RALY: variants seen among roughly 807,000 people sequenced by gnomAD.
The protein encoded by RALY is RALY heterogeneous nuclear ribonucleoprotein.
Under a neutral mutation model 30.7 loss-of-function variants are expected in RALY, and 15 were observed. The ratio of observed to expected loss-of-function variants is 0.49; its 90% CI spans 0.33 to 0.75. RALY has a LOEUF of 0.75. RALY is among the 30% of genes least tolerant of loss of function. RALY has a pLI of 0.02. For missense variants in RALY, 339 were observed against 414.3 expected (o/e 0.82, Z 1.58); for synonymous variants, 177 against 170.8 (o/e 1.04, Z -0.28).
rs538515432 is a variant in RALY at position 34,073,466 on chromosome 20, G to A, written c.257-97G>A. 2.7e-5 allele frequency: 30 copies of A among 1,129,796 alleles called. 2 individuals are homozygous for A. The Middle Eastern group carries it at 1.0e-3, about 40-fold the overall frequency. The allele number at this position is 1,129,796 out of a possible 1,614,324, so 70.0% of individuals were successfully genotyped here. On this transcript the variant is annotated intron_variant, in intron 3 of 9. Coordinates refer to ENST00000246194, the MANE Select transcript of RALY (RefSeq NM_016732.3). Reference sequence around the variant, plus strand: ...AGTGAGCAGAATCCATGTGTATACCGTGTAAGCACATGAATTGCTGTGCGT... The same window carrying A: ...AGTGAGCAGAATCCATGTGTATACCATGTAAGCACATGAATTGCTGTGCGT...
At chr20:34,005,056 C>T (rs2031096510) in intron 1 of RALY, among the ~76,000 whole-genome samples, 1 of 152,176 alleles carries the variant, frequency 6.6e-6, no homozygotes, top group Non-Finnish European at 1.5e-5. Context: ...TGCCTCCTTC[C>T]AGAGAGCAGC....
chr20:33,996,621 TA>T (rs11480409), intron 1 of RALY, among the ~76,000 whole-genome samples: 16 of 150,296 alleles, frequency 1.1e-4, no homozygotes, highest in Admixed American at 7.3e-4. Context: ...ATGCTTTTTT[TA>T]AAAAAAAAAT....
At chr20:34,052,328 C>T (rs974968981) in intron 2 of RALY, among the ~76,000 whole-genome samples, 4 of 152,040 alleles carry the variant, frequency 2.6e-5, no homozygotes, top group African/African-American at 4.8e-5. Context: ...CCTGGTTTTC[C>T]GTGGAAGATT....
chr20:34,072,104 A>C lies in RALY; in HGVS notation c.30A>C (p.Val10=). The change falls in exon 3 of 10, where the codon GTA becomes GTC. Residue 10 remains valine (V), a synonymous_variant. Transcript: ENST00000246194. The part of the protein sequence containing the change: MSLKLQASN[V]TNKNDPKSIN... ...CCTTGAAGCTTCAGGCAAGCAATGT[A>C]ACCAACAAGAATGACCCCAAGTCCA... is the stretch of plus-strand genomic sequence containing the variant. 1 of 1,614,210 alleles carries C rather than the reference A, an allele frequency of 6.2e-7. No individual in the cohort carries two copies. Among genetic ancestry groups the C allele is most frequent in the Non-Finnish European group, 8.5e-7 (1 of 1,180,028 alleles).
rs565133382 is a variant in RALY, at chr20:34,045,246, A to G, written c.-10+13642A>G. Among the ~76,000 whole-genome samples, 7 of 152,332 alleles carry G rather than the reference A, an allele frequency of 4.6e-5. No homozygotes were observed. The South Asian group carries it at 1.2e-3, about 27-fold the overall frequency. On this transcript the variant is annotated intron_variant, in intron 2 of 9. Transcript: ENST00000246194. ...TTATTTTAATGGGGAAAACAATGAA[A>G]AAATTAGTAAATCAATTATGTAATT...
intron 2 of RALY, among the ~76,000 whole-genome samples, chr20:34,059,218 G>A (rs769072756): frequency 1.3e-4 from 20 of 152,172 alleles, no homozygotes; most frequent in African/African-American, 2.7e-4. Context: ...GCTGTGAGGG[G>A]TGCCACTCAG....
At chr20:34,031,908 G>A (rs1417913426) in intron 2 of RALY, among the ~76,000 whole-genome samples, 4 of 152,142 alleles carry the variant, frequency 2.6e-5, no homozygotes, top group African/African-American at 9.7e-5. Flanking sequence ...GCTATCCTGG[G>A]ACCTGGCGGC....
At chr20:34,004,050 A>G (rs970254078) in intron 1 of RALY, among the ~76,000 whole-genome samples, 1 of 145,972 alleles carries the variant, frequency 6.9e-6, no homozygotes, top group Non-Finnish European at 1.5e-5. Context: ...ATTTGAAGCC[A>G]TTCTGGTTAG....
At chr20:34,055,773 C>A (rs2033224026) in intron 2 of RALY, among the ~76,000 whole-genome samples, 1 of 152,178 alleles carries the variant, frequency 6.6e-6, no homozygotes, top group Non-Finnish European at 1.5e-5. Flanking sequence ...TTGTTAATAT[C>A]TTTGACATCA....
chr20:34,052,450 A>G (rs1012484779), intron 2 of RALY, among the ~76,000 whole-genome samples: 1 of 152,186 alleles, frequency 6.6e-6, no homozygotes, highest in Non-Finnish European at 1.5e-5. Flanking sequence ...CAGGGTGCCT[A>G]ACTTTTTCCT....
chr20:33,994,206 T>G (rs2030465314), intron 1 of RALY, 75 bp downstream of exon 1: 1 of 152,502 alleles, frequency 6.6e-6, no homozygotes, highest in Non-Finnish European at 1.5e-5. Context: ...TTCACTCACT[T>G]CTTCCGGCAG....
intron 1 of RALY, among the ~76,000 whole-genome samples, chr20:34,021,922 A>T (rs1327386134): frequency 6.6e-6 from 1 of 150,948 alleles, no homozygotes; most frequent in East Asian, 1.9e-4. Context: ...TTATTAAAAA[A>T]AAATTTTTTT....
At chr20:34,007,460 G>C (rs1211746456) in intron 1 of RALY, among the ~76,000 whole-genome samples, 7 of 151,986 alleles carry the variant, frequency 4.6e-5, no homozygotes, top group Admixed American at 1.3e-4. Flanking sequence ...GGCAGAGGTT[G>C]CAGTGAGCCA....
At chr20:34,031,211 A>ATTTTTTTTTT (rs11297874) in intron 1 of RALY, among the ~76,000 whole-genome samples, 39 of 110,842 alleles carry the variant, frequency 3.5e-4, no homozygotes, top group African/African-American at 8.4e-4. Context: ...TGCCTGGCTA[A>ATTTTTTTTTT]TTTTTTTTTT....
chr20:34,027,153 G>A (rs2032075304), intron 1 of RALY, among the ~76,000 whole-genome samples: 1 of 152,126 alleles, frequency 6.6e-6, no homozygotes, highest in Non-Finnish European at 1.5e-5. Context: ...TTTGAGGTTA[G>A]AAAGAACTTT....
chr20:34,036,272 G>A (rs2032493992), intron 2 of RALY, among the ~76,000 whole-genome samples: 1 of 152,138 alleles, frequency 6.6e-6, no homozygotes, highest in Non-Finnish European at 1.5e-5. Context: ...CATCTTTCAG[G>A]CTAAGGAAGT....
intron 1 of RALY, chr20:33,994,377 G>C (rs998174927): frequency 6.6e-6 from 1 of 152,492 alleles, no homozygotes; most frequent in Non-Finnish European, 1.5e-5. Context: ...GGCGTTCCCT[G>C]TCTGCTCTCT....
At chr20:34,034,989 G>GA (rs2032426787) in intron 2 of RALY, among the ~76,000 whole-genome samples, 1 of 151,418 alleles carries the variant, frequency 6.6e-6, no homozygotes, top group African/African-American at 2.4e-5. Flanking sequence ...CGTCTCTACT[G>GA]AAAAATACAA....
intron 2 of RALY, among the ~76,000 whole-genome samples, chr20:34,046,813 C>CTTTTTTT (rs61495395): frequency 1.4e-5 from 1 of 72,764 alleles, no homozygotes; most frequent in Non-Finnish European, 2.5e-5. Context: ...GACCTCCACT[C>CTTTTTTT]TTTTTTTTTT....
Sources: gnomAD v4.1 joint callset for allele counts (sites outside exome capture counted in the v4.1 genomes callset) on GRCh38, gnomAD v4.1.1 for gene constraint, MANE v1.5 for transcripts, NCBI Gene and HGNC (gene_info 2026-07-23, HGNC 2026-07-21) for gene names.